SMIM43: variants seen among roughly 807,000 people sequenced by gnomAD.
SMIM43 encodes the protein small integral membrane protein 43.
rs887599026 is a variant in SMIM43, at chr4:121,759,200, C to T, written c.*1774G>A. On this transcript the variant is annotated 3_prime_UTR_variant, in exon 6 of 6. Coordinates refer to ENST00000643802, the MANE Select transcript of SMIM43 (RefSeq NM_001384332.1). ...ACTAAAATCAGTCACAGGAACTATT[C>T]CCAGGAGGTCATCCATTCACTATAC... 1 of 152,198 alleles carries T rather than the reference C, an allele frequency of 6.6e-6. No homozygotes were observed. The highest frequency in any genetic ancestry group is 2.1e-4 in the South Asian group (1 of 4,832). The allele number at this position is 152,198 out of a possible 1,614,324, so 9.4% of individuals were successfully genotyped here. A position where few individuals can be genotyped will look rare whatever the true frequency, so the allele number is the denominator to read the frequency against.
At position 121,760,313 on chromosome 4, in the gene SMIM43, G is replaced by C; in HGVS notation, c.*661C>G. The C allele has an allele frequency of 1.2e-6, 2 of 1,610,546 alleles. No homozygotes were observed. The highest frequency in any genetic ancestry group is 1.7e-6 in the Non-Finnish European group (2 of 1,179,146). ...CATTTCTCAGACAATCTTGCAGATA[G>C]CAGTAGCCAATGACACAGTTCTGGC... On this transcript the variant is annotated 3_prime_UTR_variant, in exon 6 of 6. Transcript: ENST00000643802.
At position 121,763,774 on chromosome 4, in the gene SMIM43, A is replaced by C. The variant is rs1224486011; in HGVS notation, c.*196T>G. 3 of 152,166 alleles carry C rather than the reference A, an allele frequency of 2.0e-5. No individual in the cohort carries two copies. The highest frequency in any genetic ancestry group is 4.4e-5 in the Non-Finnish European group (3 of 68,044). The allele number at this position is 152,166 out of a possible 1,614,324, so 9.4% of individuals were successfully genotyped here. On this transcript the variant is annotated 3_prime_UTR_variant, in exon 2 of 6. Transcript: ENST00000643802. Reference sequence around the variant, plus strand: ...GTCATCCCAACTTACCATTTGCAGAAAGCTTCCATCTCCCGTTGTTCCAGC... The same window carrying C: ...GTCATCCCAACTTACCATTTGCAGACAGCTTCCATCTCCCGTTGTTCCAGC...
chr4:121,763,965 A>C (rs1726209816), intron 1 of SMIM43, 93 bp from the exon 2 acceptor site: 1 of 152,106 alleles, frequency 6.6e-6, no homozygotes, highest in Non-Finnish European at 1.5e-5. Flanking sequence ...CTTAGGGCAT[A>C]CTGGTACTCG....
intron 1 of SMIM43, 108 bp from the exon 2 acceptor site, chr4:121,763,980 T>G (rs1295957004): frequency 2.0e-5 from 3 of 152,230 alleles, no homozygotes; most frequent in Non-Finnish European, 4.4e-5. Flanking sequence ...TACTCGAGTT[T>G]GCTCCTGCCC....
Position 121,760,219 on chromosome 4 carries a change from C to T in SMIM43, c.*755G>A, listed in dbSNP as rs745962989. 17 of 1,530,860 alleles carry T rather than the reference C, an allele frequency of 1.1e-5. No homozygotes were observed. The highest frequency in any genetic ancestry group is 1.5e-5 in the Non-Finnish European group (17 of 1,141,618). The allele number at this position is 1,530,860 out of a possible 1,614,324, so 94.8% of individuals were successfully genotyped here. On this transcript the variant is annotated 3_prime_UTR_variant, in exon 6 of 6. Coordinates refer to ENST00000643802, the MANE Select transcript of SMIM43 (RefSeq NM_001384332.1). Reference sequence around the variant, plus strand: ...TAGTTGTCCTCCCAAGATCCACCATCATCTTCTTCTTCATCAAGAGAAACT... The same window carrying T: ...TAGTTGTCCTCCCAAGATCCACCATTATCTTCTTCTTCATCAAGAGAAACT...
At chr4:121,764,553 C>T (rs1348873750) in intron 1 of SMIM43, 2 of 205,348 alleles carry the variant, frequency 9.7e-6, no homozygotes, top group East Asian at 2.2e-4. Context: ...TTGGGTATAA[C>T]TAAAATGCAG....
chr4:121,765,168 C>A (rs1726290356), upstream of SMIM43: 1 of 391,654 alleles, frequency 2.6e-6, no homozygotes. Flanking sequence ...GGAGGGCGAG[C>A]GCGCCGCCCG....
chr4:121,762,061 C>A (rs1345536255), intron 3 of SMIM43, among the ~76,000 whole-genome samples, 169 bp from the exon 4 acceptor site: 2 of 152,150 alleles, frequency 1.3e-5, no homozygotes, highest in African/African-American at 4.8e-5. Flanking sequence ...CAGGAATCTT[C>A]TATAATCAAG....
Position 121,765,136 on chromosome 4 carries a change from G to A in SMIM43, c.-31C>T. 2.5e-6 allele frequency: 1 copy of A among 395,670 alleles called. No individual in the cohort carries two copies. Among genetic ancestry groups the A allele is most frequent in the East Asian group, 3.6e-5 (1 of 27,878 alleles). 24.5% of individuals were successfully genotyped at this position (395,670 alleles called of 1,614,324 possible). A position where few individuals can be genotyped will look rare whatever the true frequency, so the allele number is the denominator to read the frequency against. On this transcript the variant is annotated 5_prime_UTR_variant, in exon 1 of 6. Transcript: ENST00000643802. The stretch of plus-strand genomic sequence containing the variant: ...AGGCGCCGGCGCTCGCTGGCCCTGC[G>A]CGCTCGGCGCGGGCTGCAGCTGGAG...
chr4:121,760,192 G>C lies in SMIM43; in HGVS notation c.*782C>G. ...GTATTCTGTAGCCAGGGCATAAAAT[G>C]TTAGTTGTCCTCCCAAGATCCACCA... On this transcript the variant is annotated 3_prime_UTR_variant, in exon 6 of 6. Coordinates refer to ENST00000643802, the MANE Select transcript of SMIM43 (RefSeq NM_001384332.1). 4 of 1,500,154 alleles carry C rather than the reference G, an allele frequency of 2.7e-6. No individual in the cohort carries two copies. The highest frequency in any genetic ancestry group is 3.6e-6 in the Non-Finnish European group (4 of 1,122,820). The allele number at this position is 1,500,154 out of a possible 1,614,324, so 92.9% of individuals were successfully genotyped here.
intron 5 of SMIM43, among the ~76,000 whole-genome samples, chr4:121,761,069 T>A (rs933757714): frequency 6.6e-6 from 1 of 152,064 alleles, no homozygotes; most frequent in African/African-American, 2.4e-5. Flanking sequence ...TTATTTATTT[T>A]GTGTAGACAA....
Position 121,761,468 on chromosome 4 carries a change from G to T in SMIM43, c.*499+70C>A. 1.4e-6 allele frequency: 2 copies of T among 1,465,656 alleles called. 1 individual carries two copies. Among genetic ancestry groups the T allele is most frequent in the South Asian group, 2.9e-5 (2 of 68,784 alleles). 90.8% of individuals were successfully genotyped at this position (1,465,656 alleles called of 1,614,324 possible). ...AATTTAACTCTATTGCACTGATTTT[G>T]AAACTATAGACAAAATTGGAAATAT... On this transcript the variant is annotated intron_variant, in intron 5 of 5. Coordinates refer to ENST00000643802, the MANE Select transcript of SMIM43 (RefSeq NM_001384332.1).
At chr4:121,764,352 A>G (rs1236818060) in intron 1 of SMIM43, 1 of 151,966 alleles carries the variant, frequency 6.6e-6, no homozygotes, top group Non-Finnish European at 1.5e-5. Flanking sequence ...GACGAACCCC[A>G]TTTACCATCT....
chr4:121,765,261 C>G (rs1421660570), upstream of SMIM43: 2 of 376,072 alleles, frequency 5.3e-6, no homozygotes, highest in South Asian at 2.9e-4. Flanking sequence ...TTGCCTCCCC[C>G]GGCTCCGAGG....
chr4:121,761,128 A>C (rs1726039870), intron 5 of SMIM43, among the ~76,000 whole-genome samples: 2 of 152,204 alleles, frequency 1.3e-5, no homozygotes, highest in Non-Finnish European at 2.9e-5. Context: ...TCAAACAAAA[A>C]AAAAAAACTA....
chr4:121,762,068 CAA>C (rs1220728989), intron 3 of SMIM43, among the ~76,000 whole-genome samples, 176 bp from the exon 4 acceptor site: 7 of 152,144 alleles, frequency 4.6e-5, no homozygotes, highest in African/African-American at 1.4e-4. Context: ...CTTCTATAAT[CAA>C]GTTACATTTA....
chr4:121,761,622 A>G lies in SMIM43; in HGVS notation c.*415T>C. 3.7e-6 allele frequency: 6 copies of G among 1,613,818 alleles called. No individual in the cohort carries two copies. Among genetic ancestry groups the G allele is most frequent in the Non-Finnish European group, 5.1e-6 (6 of 1,179,890 alleles). On this transcript the variant is annotated 3_prime_UTR_variant, in exon 5 of 6. Coordinates refer to ENST00000643802, the MANE Select transcript of SMIM43 (RefSeq NM_001384332.1). ...TCCCAGAAAAGCCAGTGCATGGCAC[A>G]CTCTGGGTAAATTTTCTCTCTTATT...
At chr4:121,760,516 T>C in intron 5 of SMIM43, 42 bp from the exon 6 acceptor site, 1 of 1,489,914 alleles carries the variant, frequency 6.7e-7, no homozygotes. Context: ...CCACCTTAAT[T>C]AAGCCTGACA....
chr4:121,761,795 C>A (rs1726084181), intron 4 of SMIM43, 35 bp downstream of exon 4: 10 of 1,611,984 alleles, frequency 6.2e-6, no homozygotes, highest in Non-Finnish European at 7.6e-6. Flanking sequence ...AAATGGTTAT[C>A]TTGCCAAGTA....
Sources: gnomAD v4.1 joint callset for allele counts (sites outside exome capture counted in the v4.1 genomes callset) on GRCh38, gnomAD v4.1.1 for gene constraint, MANE v1.5 for transcripts, NCBI Gene and HGNC (gene_info 2026-07-23, HGNC 2026-07-21) for gene names.